Variants in TM9SF3 observed in about 807,000 individuals in gnomAD.
The protein encoded by TM9SF3 is SM-11044-binding protein.
TM9SF3 carries 14 observed loss-of-function variants against 78.6 expected under a neutral mutation model. The ratio of observed to expected loss-of-function variants is 0.18; its 90% CI spans 0.12 to 0.28. The LOEUF (loss-of-function observed/expected upper bound fraction) is 0.28, where lower values mean the gene tolerates loss of function less well. Ranked by LOEUF, TM9SF3 falls within the 10% of genes least tolerant of loss-of-function variation. The probability of loss-of-function intolerance (pLI) is 1.00; values close to 1 mark genes in which losing one functional copy is unlikely to be tolerated. For synonymous variants in TM9SF3, 231 were observed against 241.7 expected, an observed-to-expected ratio of 0.96 and a Z score of 0.41; for missense variants, 496 against 721.9, an observed-to-expected ratio of 0.69 and a Z score of 3.59.
At chr10:96,575,037 C>T (rs1848481162) in intron 2 of TM9SF3, among the ~76,000 whole-genome samples, 1 of 151,372 alleles carries the variant, frequency 6.6e-6, no homozygotes, top group East Asian at 1.9e-4. Flanking sequence ...CAAAACTGCA[C>T]GTTCTGCACA....
intron 5 of TM9SF3, among the ~76,000 whole-genome samples, chr10:96,554,212 T>C (rs74562076): frequency 0.013 from 1,990 of 152,306 alleles, 51 homozygotes; most frequent in African/African-American, 0.045. Context: ...AAATAAAACC[T>C]AAAAGTTATT....
At chr10:96,560,629 A>G (rs1266978633) in intron 4 of TM9SF3, 1 of 646,880 alleles carries the variant, frequency 1.5e-6, no homozygotes, top group East Asian at 3.4e-5. Flanking sequence ...GGTGGTAGCA[A>G]GGTTCCACAG....
chr10:96,543,965 A>G, intron 9 of TM9SF3, 111 bp downstream of exon 9: 1 of 1,145,776 alleles, frequency 8.7e-7, no homozygotes, highest in Non-Finnish European at 1.2e-6. Flanking sequence ...ACTGAGTATG[A>G]ACTGACTGAA....
At chr10:96,540,769 CTTTTTTTTTTTT>C (rs68126103) in intron 9 of TM9SF3, among the ~76,000 whole-genome samples, 2 of 51,308 alleles carry the variant, frequency 3.9e-5, no homozygotes, top group Admixed American at 3.2e-4. Flanking sequence ...TATTACCTTT[CTTTTTTTTTTTT>C]TTTTTTTTTT....
intron 7 of TM9SF3, among the ~76,000 whole-genome samples, chr10:96,550,124 T>C (rs1479853215): frequency 2.0e-5 from 3 of 152,222 alleles, no homozygotes; most frequent in African/African-American, 7.2e-5. Flanking sequence ...GCTCATGCGG[T>C]AAATGAATTA....
At position 96,547,428 on chromosome 10, in the gene TM9SF3, T is replaced by C. The variant is rs1467237875; in HGVS notation, c.1054+467A>G. Among the ~76,000 whole-genome samples the C allele has an allele frequency of 8.5e-5, 13 of 152,160 alleles. No individual in the cohort carries two copies. In the South Asian group the frequency reaches 2.7e-3, roughly 32 times the overall value. ...CACAAAGGAGATTATCTACTAATTA[T>C]TCATAATTTTAGGAAATAAAACGCG... On this transcript the variant is annotated intron_variant, in intron 8 of 14. Transcript: ENST00000371142.
At position 96,518,830 on chromosome 10, in the gene TM9SF3, AAT is replaced by A. The variant is rs1376889063; in HGVS notation, c.*3431_*3432del. On this transcript the variant is annotated 3_prime_UTR_variant, in exon 15 of 15. Coordinates refer to ENST00000371142, the MANE Select transcript of TM9SF3 (RefSeq NM_020123.4). ...TTCATAAATTTTCACTTCTGACTGA[AAT>A]ATAACACCTTGATTGATAGTTTCAT... is the stretch of plus-strand genomic sequence containing the variant. The A allele has an allele frequency of 1.1e-5, 1 of 88,380 alleles. No homozygotes were observed. Among genetic ancestry groups the A allele is most frequent in the African/African-American group, 4.5e-5 (1 of 22,318 alleles). The allele number at this position is 88,380 out of a possible 1,614,324, so 5.5% of individuals were successfully genotyped here.
At chr10:96,557,237 A>G (rs1000950151) in intron 5 of TM9SF3, among the ~76,000 whole-genome samples, 1 of 152,138 alleles carries the variant, frequency 6.6e-6, no homozygotes. Context: ...CTCCATTTGG[A>G]TATCGTACAG....
intron 12 of TM9SF3, 123 bp from the exon 13 acceptor site, chr10:96,527,619 A>C (rs1847853478): frequency 1.4e-6 from 1 of 695,560 alleles, no homozygotes; most frequent in Non-Finnish European, 2.3e-6. Flanking sequence ...TTTAAAAAAC[A>C]AATGCATAGA....
At chr10:96,549,742 C>T (rs940366447) in intron 7 of TM9SF3, among the ~76,000 whole-genome samples, 1 of 146,250 alleles carries the variant, frequency 6.8e-6, no homozygotes, top group Non-Finnish European at 1.5e-5. Flanking sequence ...GACTTGCCTG[C>T]TAATATTATA....
chr10:96,533,765 G>A (rs1233981507), intron 9 of TM9SF3, among the ~76,000 whole-genome samples: 7 of 152,140 alleles, frequency 4.6e-5, no homozygotes, highest in Non-Finnish European at 1.0e-4. Context: ...GAAGGAGATC[G>A]CTATCTATGT....
chr10:96,580,185 T>C (rs549528791), intron 1 of TM9SF3, among the ~76,000 whole-genome samples: 10 of 152,346 alleles, frequency 6.6e-5, no homozygotes, highest in Admixed American at 2.0e-4. Context: ...CTCAGAAGAA[T>C]CTCACTGCTA....
intron 1 of TM9SF3, among the ~76,000 whole-genome samples, chr10:96,582,511 T>C (rs750410447): frequency 7.2e-5 from 11 of 152,232 alleles, no homozygotes; most frequent in African/African-American, 1.4e-4. Flanking sequence ...CTTTGAGTTT[T>C]AGAAAACCAA....
In TM9SF3 at chr10:96,522,133, G is replaced by A. The variant is rs960432808; in HGVS notation, c.*130C>T. ...ATAGATGTTACTTTAAGCCACCGACGAAAGAGAGACCCACAAAGTACCCAG... is the reference window on the plus strand; with the variant it reads ...ATAGATGTTACTTTAAGCCACCGACAAAAGAGAGACCCACAAAGTACCCAG... On this transcript the variant is annotated 3_prime_UTR_variant, in exon 15 of 15. Coordinates refer to ENST00000371142, the MANE Select transcript of TM9SF3 (RefSeq NM_020123.4). 5 of 729,876 alleles carry A rather than the reference G, an allele frequency of 6.9e-6. No individual in the cohort carries two copies. Among genetic ancestry groups the A allele is most frequent in the Non-Finnish European group, 9.2e-6 (4 of 433,380 alleles). 45.2% of individuals were successfully genotyped at this position (729,876 alleles called of 1,614,324 possible).
At chr10:96,584,796 G>C (rs1039846560) in intron 1 of TM9SF3, among the ~76,000 whole-genome samples, 1 of 152,210 alleles carries the variant, frequency 6.6e-6, no homozygotes, top group Non-Finnish European at 1.5e-5. Flanking sequence ...GGGCAACAGA[G>C]TGGGACTCTG....
chr10:96,521,227 C>T lies in TM9SF3; in HGVS notation c.*1036G>A, dbSNP rs1417256237. The stretch of plus-strand genomic sequence containing the variant: ...AAGATGTAAAAGCCCACCCAAATCA[C>T]ACATTTCTACACCAATCATCATAAG... On this transcript the variant is annotated 3_prime_UTR_variant, in exon 15 of 15. Transcript: ENST00000371142. 1.6e-5 allele frequency: 4 copies of T among 252,744 alleles called. No individual in the cohort carries two copies. Among genetic ancestry groups the T allele is most frequent in the East Asian group, 1.3e-4 (2 of 14,934 alleles). The allele number at this position is 252,744 out of a possible 1,614,324, so 15.7% of individuals were successfully genotyped here. A position where few individuals can be genotyped will look rare whatever the true frequency, so the allele number is the denominator to read the frequency against.
intron 14 of TM9SF3, among the ~76,000 whole-genome samples, chr10:96,522,892 G>A (rs906211233): frequency 3.3e-5 from 5 of 151,682 alleles, no homozygotes; most frequent in African/African-American, 1.2e-4. Flanking sequence ...ACATATTTGC[G>A]GGAATAGACA....
At position 96,586,728 on chromosome 10, in the gene TM9SF3, C is replaced by A. The variant is rs1330645059; in HGVS notation, c.102+6G>T. 4.1e-6 allele frequency: 5 copies of A among 1,231,734 alleles called. No individual in the cohort carries two copies. The highest frequency in any genetic ancestry group is 4.0e-6 in the Non-Finnish European group (4 of 988,210). The allele number at this position is 1,231,734 out of a possible 1,614,324, so 76.3% of individuals were successfully genotyped here. ...CGGGGCGGCCGCGCCGGCCGGGGCG[C>A]CTCACCGTGTGTTCGTGCTCGTCCG... is the stretch of plus-strand genomic sequence containing the variant. On this transcript the variant is annotated splice_donor_region_variant and intron_variant, in intron 1 of 14. Coordinates refer to ENST00000371142, the MANE Select transcript of TM9SF3 (RefSeq NM_020123.4).
At chr10:96,543,731 T>TA (rs1848063464) in intron 9 of TM9SF3, 1 of 158,118 alleles carries the variant, frequency 6.3e-6, no homozygotes, top group Non-Finnish European at 1.4e-5. Context: ...CCTATCATCT[T>TA]AAAACACCCA....
Sources: gnomAD v4.1 joint callset for allele counts (sites outside exome capture counted in the v4.1 genomes callset) on GRCh38, gnomAD v4.1.1 for gene constraint, MANE v1.5 for transcripts, NCBI Gene and HGNC (gene_info 2026-07-23, HGNC 2026-07-21) for gene names.